The following NBAS variants were observed in gnomAD, a reference collection of about 807,000 sequenced individuals.
NBAS encodes NBAS subunit of NRZ tethering complex.
NBAS carries 219 observed loss-of-function variants against 302.5 expected under a neutral mutation model. That is an observed-to-expected ratio of 0.72 (90% CI 0.65 to 0.81). The LOEUF (loss-of-function observed/expected upper bound fraction) is 0.81. NBAS is among the 30% of genes least tolerant of loss of function. The pLI is 0.00. For synonymous variants in NBAS, 1,118 were observed against 1,021.6 expected (o/e 1.09, Z -1.80); for missense variants, 2,932 against 2,841.6 (o/e 1.03, Z -0.72).
chr2:14,855,290 GC>G, the NBAS span, among the ~76,000 whole-genome samples: 2 of 152,192 alleles, frequency 1.3e-5, no homozygotes, highest in East Asian at 3.9e-4. Flanking sequence ...TACATCAAAG[GC>G]CCTAGCTCTG....
the NBAS span, among the ~76,000 whole-genome samples, chr2:14,945,655 T>A: frequency 6.6e-6 from 1 of 152,016 alleles, no homozygotes; most frequent in East Asian, 1.9e-4. Flanking sequence ...AAAAATTAAT[T>A]AGAGGCTCTT....
At chr2:15,494,803 G>T (rs1681004428) in intron 11 of NBAS, among the ~76,000 whole-genome samples, 1 of 152,070 alleles carries the variant, frequency 6.6e-6, no homozygotes, top group Admixed American at 6.5e-5. Flanking sequence ...AAAAACATAG[G>T]CATATGTTCT....
chr2:15,561,042 T>G (rs1300946724), intron 1 of NBAS, 146 bp downstream of exon 1: 13 of 275,242 alleles, frequency 4.7e-5, no homozygotes, highest in African/African-American at 3.0e-4. Flanking sequence ...TAGCCCAAGG[T>G]GCCGTTGCCA....
At chr2:15,133,520 G>A in the NBAS span, among the ~76,000 whole-genome samples, 1 of 152,104 alleles carries the variant, frequency 6.6e-6, no homozygotes, top group African/African-American at 2.4e-5. Context: ...TAACTTGGCT[G>A]GACCACAGCA....
chr2:15,440,010 G>A (rs958643300), intron 21 of NBAS, among the ~76,000 whole-genome samples: 4 of 152,248 alleles, frequency 2.6e-5, no homozygotes, highest in Non-Finnish European at 4.4e-5. Context: ...CGGGAAGCTC[G>A]AACTGGGCGG....
At chr2:15,455,516 A>G (rs1172343620) in intron 21 of NBAS, among the ~76,000 whole-genome samples, 1 of 152,134 alleles carries the variant, frequency 6.6e-6, no homozygotes, top group East Asian at 1.9e-4. Context: ...GTTTAAAGCA[A>G]TAAGTATATG....
At chr2:14,956,128 G>A in the NBAS span, among the ~76,000 whole-genome samples, 1 of 152,124 alleles carries the variant, frequency 6.6e-6, no homozygotes, top group Non-Finnish European at 1.5e-5. Context: ...TAGGGCAGGG[G>A]CAAAATGTCA....
chr2:15,046,381 A>G, the NBAS span, among the ~76,000 whole-genome samples: 3 of 152,212 alleles, frequency 2.0e-5, no homozygotes, highest in South Asian at 6.2e-4. Context: ...ATCTCTCAAT[A>G]TATATCAACC....
intron 8 of NBAS, among the ~76,000 whole-genome samples, chr2:15,535,075 G>A (rs1231645296): frequency 2.0e-5 from 3 of 152,202 alleles, no homozygotes; most frequent in Non-Finnish European, 4.4e-5. Flanking sequence ...AGTGATGTAT[G>A]TAAAAATGTG....
chr2:14,956,875 G>A, the NBAS span, among the ~76,000 whole-genome samples: 1 of 152,140 alleles, frequency 6.6e-6, no homozygotes, highest in Non-Finnish European at 1.5e-5. Flanking sequence ...GTTGAGGTAT[G>A]CTCCCCCAAA....
At chr2:15,446,384 G>T (rs1039040797) in intron 21 of NBAS, among the ~76,000 whole-genome samples, 1 of 152,188 alleles carries the variant, frequency 6.6e-6, no homozygotes, top group African/African-American at 2.4e-5. Flanking sequence ...ATACAAGCCA[G>T]AAGACAGCAG....
intron 47 of NBAS, among the ~76,000 whole-genome samples, chr2:15,225,735 C>T (rs1667126502): frequency 6.6e-6 from 1 of 152,120 alleles, no homozygotes; most frequent in African/African-American, 2.4e-5. Flanking sequence ...GAATATTGCA[C>T]AGAGGAATTC....
the NBAS span, among the ~76,000 whole-genome samples, chr2:15,149,581 G>A: frequency 1.3e-5 from 2 of 152,100 alleles, no homozygotes; most frequent in African/African-American, 4.8e-5. Flanking sequence ...AACTTCCCAG[G>A]CTCAGGTGAT....
chr2:15,175,154 G>A (rs1664476370), intron 51 of NBAS, among the ~76,000 whole-genome samples: 1 of 152,120 alleles, frequency 6.6e-6, no homozygotes, highest in South Asian at 2.1e-4. Context: ...TTTTAGTGGA[G>A]ACGGGGTTTC....
chr2:15,186,055 C>T lies in NBAS; in HGVS notation c.6711+687G>A, dbSNP rs143208311. The stretch of plus-strand genomic sequence containing the variant: ...TATGTGCTTACTTTAGAATGTTCTC[C>T]CTCTTTCTCTCCATACATACATATA... On this transcript the variant is annotated intron_variant, in intron 50 of 51. Transcript: ENST00000281513. Among the ~76,000 whole-genome samples, 281 of 150,824 alleles carry T rather than the reference C, an allele frequency of 1.9e-3. 2 individuals are homozygous for T. Among genetic ancestry groups the T allele is most frequent in the African/African-American group, 6.3e-3 (259 of 40,902 alleles).
At chr2:14,970,371 C>T in the NBAS span, among the ~76,000 whole-genome samples, 6 of 152,282 alleles carry the variant, frequency 3.9e-5, no homozygotes, top group Non-Finnish European at 7.4e-5. Context: ...AGAAACTAGG[C>T]TCTAGAGCTG....
intron 48 of NBAS, among the ~76,000 whole-genome samples, chr2:15,202,673 G>A (rs1250135013): frequency 6.6e-6 from 1 of 152,082 alleles, no homozygotes; most frequent in East Asian, 1.9e-4. Flanking sequence ...CCGAGTAGCT[G>A]GGATTACAGG....
At position 15,275,509 on chromosome 2, in the gene NBAS, G is replaced by A; in HGVS notation, c.5699C>T (p.Thr1900Ile). The A allele has an allele frequency of 1.2e-6, 2 of 1,614,136 alleles. No homozygotes were observed. The highest frequency in any genetic ancestry group is 1.7e-6 in the Non-Finnish European group (2 of 1,180,020). Reference sequence around the variant, plus strand: ...CTTGGTCACAGCTTTTGGAGAAAATGTAACTGCATCTACCACAGTGATGAG... The same window carrying A: ...CTTGGTCACAGCTTTTGGAGAAAATATAACTGCATCTACCACAGTGATGAG... Reference protein sequence around the residue: ...GDLITVVDAVTFSPKAVTKLS... With the variant: ...GDLITVVDAVIFSPKAVTKLS... The change falls in exon 44 of 52, where the codon ACA (threonine) becomes ATA (isoleucine). Residue 1900 changes from threonine (T) to isoleucine (I), a missense_variant. By Grantham distance (89) the Thr-to-Ile change is moderately conservative (BLOSUM62 -1). Transcript: ENST00000281513.
intron 42 of NBAS, among the ~76,000 whole-genome samples, chr2:15,283,845 T>G (rs947162284): frequency 4.6e-5 from 7 of 152,142 alleles, no homozygotes; most frequent in African/African-American, 1.7e-4. Flanking sequence ...ATTTGGATCT[T>G]GAAAGTTCAT....
Sources: allele counts gnomAD v4.1 joint callset (sites outside exome capture counted in the v4.1 genomes callset), GRCh38; gene constraint gnomAD v4.1.1; transcripts MANE v1.5; gene names NCBI Gene and HGNC (gene_info 2026-07-23, HGNC 2026-07-21).